ASF1B: variants seen among roughly 807,000 people sequenced by gnomAD.
The protein encoded by ASF1B is histone chaperone ASF1B.
Under a neutral mutation model 16.6 loss-of-function variants are expected in ASF1B, and 10 were observed. The observed-to-expected ratio is 0.60, with a 90% CI of 0.37 to 1.02. The LOEUF is 1.02. ASF1B is among the 50% of genes least tolerant of loss of function. The probability of loss-of-function intolerance (pLI) is 0.01; values close to 1 mark genes in which losing one functional copy is unlikely to be tolerated. For missense variants in ASF1B, 240 were observed against 266.0 expected (o/e 0.90, Z 0.68); for synonymous variants, 101 against 106.2 (o/e 0.95, Z 0.30).
In ASF1B at chr19:14,123,323, G is replaced by A. The variant is rs8110396; in HGVS notation, c.226-1615C>T. On this transcript the variant is annotated intron_variant, in intron 2 of 3. Transcript: ENST00000263382. ...AGGTAAGGGAGTGTATCCGAGCAGA[G>A]GATCCTGAAAAATCACCTGGAGAAC... Among the ~76,000 whole-genome samples, 480 of 151,916 alleles carry A rather than the reference G, an allele frequency of 3.2e-3. 3 individuals carry two copies. The highest frequency in any genetic ancestry group is 0.011 in the African/African-American group (452 of 41,438).
chr19:14,130,581 CT>C (rs1967386904), intron 1 of ASF1B, among the ~76,000 whole-genome samples: 1 of 151,554 alleles, frequency 6.6e-6, no homozygotes, highest in Non-Finnish European at 1.5e-5. Flanking sequence ...TAAATATAAT[CT>C]TTCTTTAGAA....
At chr19:14,123,944 C>T (rs1389301475) in intron 2 of ASF1B, among the ~76,000 whole-genome samples, 3 of 152,050 alleles carry the variant, frequency 2.0e-5, no homozygotes, top group African/African-American at 4.8e-5. Context: ...ATGTGCACCA[C>T]CACATCCAGC....
rs528757089 is a variant in ASF1B at position 14,122,787 on chromosome 19, G to T, written c.226-1079C>A. 1.1e-4 allele frequency among the ~76,000 whole-genome samples: 16 copies of T among 152,300 alleles called. 1 individual carries two copies. In the South Asian group the frequency reaches 3.3e-3, roughly 32 times the overall value. The stretch of plus-strand genomic sequence containing the variant: ...AGCCGGGGGACAGTGGCATGAAGCT[G>T]AACAGGTGAGGCAGGTGGTATCAGG... On this transcript the variant is annotated intron_variant, in intron 2 of 3. Coordinates refer to ENST00000263382, the MANE Select transcript of ASF1B (RefSeq NM_018154.3).
chr19:14,134,119 T>C (rs537254726), intron 1 of ASF1B, among the ~76,000 whole-genome samples: 2 of 152,272 alleles, frequency 1.3e-5, no homozygotes, highest in Admixed American at 1.3e-4. Context: ...CATTTTTAAA[T>C]GCAAGGAACA....
rs141600762 is a variant in ASF1B at position 14,130,787 on chromosome 19, G to GTGTATATATATATA, written c.110-4551_110-4550insTATATATATATACA. On this transcript the variant is annotated intron_variant, in intron 1 of 3. Transcript: ENST00000263382. ...ACATACCTCCACTGTGTGTTTGTGT[G>GTGTATATATATATA]TATATATATATATATATATATATAA... Among the ~76,000 whole-genome samples the GTGTATATATATATA allele has an allele frequency of 9.8e-3, 1,393 of 142,342 alleles. 18 individuals carry two copies. Among genetic ancestry groups the GTGTATATATATATA allele is most frequent in the African/African-American group, 0.035 (1,329 of 38,202 alleles). The allele number at this position is 142,342 out of a possible 152,430, so 93.4% of individuals were successfully genotyped here. A position where few individuals can be genotyped will look rare whatever the true frequency, so the allele number is the denominator to read the frequency against.
At chr19:14,132,604 G>A (rs953363666) in intron 1 of ASF1B, among the ~76,000 whole-genome samples, 1 of 152,160 alleles carries the variant, frequency 6.6e-6, no homozygotes, top group Non-Finnish European at 1.5e-5. Flanking sequence ...CATATCACTT[G>A]CGATCAGGTT....
chr19:14,126,070 G>A (rs1568544529), intron 2 of ASF1B, 52 bp downstream of exon 2: 2 of 1,382,294 alleles, frequency 1.4e-6, no homozygotes, highest in African/African-American at 1.5e-5. Flanking sequence ...TCAGGTAAAA[G>A]AGGATGTTTC....
intron 1 of ASF1B, among the ~76,000 whole-genome samples, chr19:14,132,546 G>A (rs1057393263): frequency 3.9e-5 from 6 of 152,130 alleles, no homozygotes; most frequent in African/African-American, 1.4e-4. Context: ...CTGGCCAGGC[G>A]CTTAGGATTC....
intron 1 of ASF1B, among the ~76,000 whole-genome samples, chr19:14,132,477 CACTT>C (rs1357521429): frequency 6.6e-6 from 1 of 152,152 alleles, no homozygotes; most frequent in Admixed American, 6.6e-5. Flanking sequence ...CAGGATTTCT[CACTT>C]GAGTTACTCA....
At chr19:14,127,142 C>CA (rs2144513889) in intron 1 of ASF1B, among the ~76,000 whole-genome samples, 1 of 152,336 alleles carries the variant, frequency 6.6e-6, no homozygotes, top group Non-Finnish European at 1.5e-5. Flanking sequence ...TTCCATCTGT[C>CA]AGACACTTAG....
intron 1 of ASF1B, among the ~76,000 whole-genome samples, chr19:14,130,748 A>T (rs1967389585): frequency 1.3e-5 from 2 of 150,502 alleles, no homozygotes; most frequent in African/African-American, 4.9e-5. Flanking sequence ...TTCACAAGCT[A>T]GTCCCTGTGC....
chr19:14,121,319 C>T, intron 3 of ASF1B: 1 of 412,020 alleles, frequency 2.4e-6, no homozygotes, highest in South Asian at 5.6e-5. Context: ...GACAGGGTCT[C>T]ACTATGTTGC....
rs1231083561 is a variant in ASF1B at position 14,132,104 on chromosome 19, T to TGCCATGGTGCAGTG, written c.109+4243_109+4244insCACTGCACCATGGC. Among the ~76,000 whole-genome samples, 3 of 145,892 alleles carry TGCCATGGTGCAGTG rather than the reference T, an allele frequency of 2.1e-5. No homozygotes were observed. In the East Asian group the frequency reaches 6.7e-4, roughly 32 times the overall value. On this transcript the variant is annotated intron_variant, in intron 1 of 3. Transcript: ENST00000263382. Reference sequence around the variant, plus strand: ...GTGCAGTGGTGCAATCATGGCTCACTGCAGCCCTGACCTCCTGGGCTCATG... The same window carrying TGCCATGGTGCAGTG: ...GTGCAGTGGTGCAATCATGGCTCACTGCCATGGTGCAGTGGCAGCCCTGACCTCCTGGGCTCATG...
At chr19:14,135,677 G>T (rs921717276) in intron 1 of ASF1B, among the ~76,000 whole-genome samples, 19 of 152,096 alleles carry the variant, frequency 1.2e-4, no homozygotes, top group Admixed American at 3.9e-4. Flanking sequence ...TTACTGGAGG[G>T]GAGGGTCTTC....
intron 2 of ASF1B, among the ~76,000 whole-genome samples, chr19:14,123,624 C>T (rs1967274547): frequency 6.6e-6 from 1 of 151,890 alleles, no homozygotes; most frequent in Non-Finnish European, 1.5e-5. Flanking sequence ...TTGTGATCCG[C>T]CCACCTTGGC....
intron 1 of ASF1B, among the ~76,000 whole-genome samples, chr19:14,132,387 T>C (rs1967419649): frequency 6.6e-6 from 1 of 152,092 alleles, no homozygotes; most frequent in South Asian, 2.1e-4. Context: ...AGATTCTCCC[T>C]TTTTCATGGA....
At chr19:14,135,389 A>C (rs1338745525) in intron 1 of ASF1B, among the ~76,000 whole-genome samples, 1 of 152,058 alleles carries the variant, frequency 6.6e-6, no homozygotes, top group Non-Finnish European at 1.5e-5. Flanking sequence ...GCCCACAGAG[A>C]AAGGTGGGGA....
rs1440643787 is a variant in ASF1B, at chr19:14,136,545, C to A, written c.-89G>T. ...GTCCGGTGGGGTCAGTGGGGTAGGG[C>A]TGACCAGGTCCACTCCCGCCTCTTC... is the stretch of plus-strand genomic sequence containing the variant. On this transcript the variant is annotated 5_prime_UTR_variant, in exon 1 of 4. Transcript: ENST00000263382. 1 of 1,068,936 alleles carries A rather than the reference C, an allele frequency of 9.4e-7. No homozygotes were observed. Among genetic ancestry groups the A allele is most frequent in the South Asian group, 1.5e-5 (1 of 67,246 alleles). The allele number at this position is 1,068,936 out of a possible 1,614,324, so 66.2% of individuals were successfully genotyped here. A position where few individuals can be genotyped will look rare whatever the true frequency, so the allele number is the denominator to read the frequency against.
chr19:14,133,790 C>A lies in ASF1B; in HGVS notation c.109+2558G>T, dbSNP rs183444132. Among the ~76,000 whole-genome samples, 899 of 149,900 alleles carry A rather than the reference C, an allele frequency of 6.0e-3. 5 individuals are homozygous for A. Among genetic ancestry groups the A allele is most frequent in the Non-Finnish European group, 8.3e-3 (562 of 67,774 alleles). On this transcript the variant is annotated intron_variant, in intron 1 of 3. Transcript: ENST00000263382. Reference sequence around the variant, plus strand: ...GAGTAGAAGTACCAGATAATGACCGCACAACCATTTTTTTTTTTTTTTTTT... The same window carrying A: ...GAGTAGAAGTACCAGATAATGACCGAACAACCATTTTTTTTTTTTTTTTTT...
Sources: allele counts gnomAD v4.1 joint callset (sites outside exome capture counted in the v4.1 genomes callset), GRCh38; gene constraint gnomAD v4.1.1; transcripts MANE v1.5; gene names NCBI Gene and HGNC (gene_info 2026-07-23, HGNC 2026-07-21).